Variants in KY observed in about 807,000 individuals in gnomAD.
The protein encoded by KY is kyphoscoliosis peptidase.
Under a neutral mutation model 76.1 loss-of-function variants are expected in KY, and 43 were observed. The observed-to-expected ratio is 0.57, with a 90% CI of 0.44 to 0.73. KY has a LOEUF of 0.73. KY is among the 30% of genes least tolerant of loss of function. The probability of loss-of-function intolerance (pLI) is 0.00; values close to 1 mark genes in which losing one functional copy is unlikely to be tolerated. For missense variants in KY, 722 were observed against 828.9 expected (o/e 0.87, Z 1.58); for synonymous variants, 277 against 326.2 (o/e 0.85, Z 1.63).
At chr3:134,647,995 C>T (rs991056674) in intron 1 of KY, among the ~76,000 whole-genome samples, 4 of 152,168 alleles carry the variant, frequency 2.6e-5, no homozygotes, top group African/African-American at 9.7e-5. Context: ...ATGGCCTAGC[C>T]ATGGCCAATC....
At position 134,619,227 on chromosome 3, in the gene KY, C is replaced by G; in HGVS notation, c.631G>C (p.Ala211Pro). The part of the protein sequence containing the change: ...IAAAQEKDRQ[A>P]FKPTDILRTQ... ...CGCAGGATGTCAGTGGGTTTGAAGG[C>G]TTGGCGGTCCTTCTCCTGAGCAGCT... Residue 211 changes from alanine (A) to proline (P), a missense_variant, in exon 8 of 11, where the codon GCC becomes CCC. By Grantham distance (27) the Ala-to-Pro change is conservative. Coordinates refer to ENST00000423778, the MANE Select transcript of KY (RefSeq NM_178554.6). 6.2e-7 allele frequency: 1 copy of G among 1,613,968 alleles called. No individual in the cohort carries two copies. The highest frequency in any genetic ancestry group is 8.5e-7 in the Non-Finnish European group (1 of 1,179,890).
chr3:134,639,145 C>T (rs895684542), intron 3 of KY, among the ~76,000 whole-genome samples: 1 of 146,992 alleles, frequency 6.8e-6, no homozygotes, highest in African/African-American at 2.5e-5. Context: ...AAAAAAATAC[C>T]CTTAAAGAGT....
intron 6 of KY, among the ~76,000 whole-genome samples, chr3:134,624,026 G>A (rs1439417222): frequency 2.0e-5 from 3 of 152,154 alleles, no homozygotes; most frequent in African/African-American, 7.2e-5. Context: ...TGCCCAGGGG[G>A]CATTTCCCCT....
chr3:134,629,286 T>A (rs1252472342), intron 4 of KY: 1 of 278,684 alleles, frequency 3.6e-6, no homozygotes, highest in African/African-American at 2.1e-5. Flanking sequence ...AGTTAATAAA[T>A]GTTAAAGTAC....
chr3:134,608,686 C>T lies in KY; in HGVS notation c.1053G>A (p.Met351Ile). 1 of 1,614,060 alleles carries T rather than the reference C, an allele frequency of 6.2e-7. No homozygotes were observed. The highest frequency in any genetic ancestry group is 1.1e-5 in the South Asian group (1 of 91,090). The change falls in exon 10 of 11, where the codon ATG becomes ATA. Residue 351 changes from methionine to isoleucine, a missense_variant. Around this residue, in one of 2 missense-constraint regions of KY, gnomAD observed 552 missense variants for 680.9 expected, o/e 0.81. Coordinates refer to ENST00000423778, the MANE Select transcript of KY (RefSeq NM_178554.6). The part of the protein sequence containing the change: ...YHKSEFYNKG[M>I]LSAHPETSMI... ...TGGAAGTCTCTGGGTGGGCACTCAG[C>T]ATCCCTTTGTTGTAGAATTCACTCT... is the stretch of plus-strand genomic sequence containing the variant.
At chr3:134,644,584 C>A (rs573500113) in intron 2 of KY, among the ~76,000 whole-genome samples, 268 of 152,362 alleles carry the variant, frequency 1.8e-3, no homozygotes, top group African/African-American at 6.1e-3. Flanking sequence ...TGCTGGCTTG[C>A]AGTGGGCTTG....
chr3:134,648,622 G>A (rs1966721064), intron 1 of KY, among the ~76,000 whole-genome samples: 1 of 152,164 alleles, frequency 6.6e-6, no homozygotes, highest in Admixed American at 6.5e-5. Context: ...TTACAGAAAT[G>A]GGAGAGAACA....
intron 8 of KY, among the ~76,000 whole-genome samples, chr3:134,613,455 C>T (rs573908028): frequency 2.0e-5 from 3 of 152,302 alleles, no homozygotes; most frequent in East Asian, 3.9e-4. Context: ...TCCACCTGTA[C>T]TGCTCTGAGT....
intron 8 of KY, among the ~76,000 whole-genome samples, chr3:134,614,423 A>C (rs572501284): frequency 6.6e-6 from 1 of 152,106 alleles, no homozygotes. Context: ...TGCCCTGAAC[A>C]AGCTGCCAAG....
rs1039361907 is a variant in KY at position 134,601,151 on chromosome 3, A to G, written c.*2428T>C. On this transcript the variant is annotated 3_prime_UTR_variant, in exon 11 of 11. Coordinates refer to ENST00000423778, the MANE Select transcript of KY (RefSeq NM_178554.6). ...AGCAGCATGCGTGTAAAAATTCATGAAGATTAGATTTCATTTCATGTATTT... is the reference window on the plus strand; with the variant it reads ...AGCAGCATGCGTGTAAAAATTCATGGAGATTAGATTTCATTTCATGTATTT... 5 of 152,168 alleles carry G rather than the reference A, an allele frequency of 3.3e-5. No individual in the cohort carries two copies. The highest frequency in any genetic ancestry group is 1.2e-4 in the African/African-American group (5 of 41,444). 9.4% of individuals were successfully genotyped at this position (152,168 alleles called of 1,614,324 possible).
intron 8 of KY, 149 bp from the exon 9 acceptor site, chr3:134,610,532 C>G (rs1026007235): frequency 6.0e-6 from 4 of 667,974 alleles, no homozygotes; most frequent in Middle Eastern, 3.9e-4. Flanking sequence ...ATATAAACAG[C>G]CTTGATGGCT....
chr3:134,603,682 C>T lies in KY; in HGVS notation c.1883G>A (p.Ser628Asn). The T allele has an allele frequency of 6.2e-7, 1 of 1,613,890 alleles. No individual in the cohort carries two copies. Among genetic ancestry groups the T allele is most frequent in the African/African-American group, 1.3e-5 (1 of 75,066 alleles). The change falls in exon 11 of 11, where the codon AGC (serine) becomes AAC (asparagine). Residue 628 changes from serine (S) to asparagine (N), a missense_variant. Physicochemically the swap from Ser to Asn is conservative, Grantham distance 46. Around this residue, in one of 2 missense-constraint regions of KY, gnomAD observed 552 missense variants for 680.9 expected, o/e 0.81. Coordinates refer to ENST00000423778, the MANE Select transcript of KY (RefSeq NM_178554.6). ...TLNHEGYWEG[S>N]CSTAGCQEVY... Reference sequence around the variant, plus strand: ...TTCCTGGCAGCCAGCTGTGCTGCAGCTTCCCTCCCAGTAGCCCTCGTGGTT... The same window carrying T: ...TTCCTGGCAGCCAGCTGTGCTGCAGTTTCCCTCCCAGTAGCCCTCGTGGTT...
intron 9 of KY, 104 bp from the exon 10 acceptor site, chr3:134,608,943 C>T (rs1959769206): frequency 1.5e-6 from 2 of 1,327,436 alleles, no homozygotes; most frequent in South Asian, 1.5e-5. Context: ...TGGGAAGAGG[C>T]ACCATCTCCG....
intron 10 of KY, among the ~76,000 whole-genome samples, chr3:134,605,601 C>T (rs1405959288): frequency 1.3e-5 from 2 of 152,134 alleles, no homozygotes; most frequent in Non-Finnish European, 2.9e-5. Context: ...GTGGCTGTCC[C>T]AGCTCAAAAG....
At chr3:134,623,217 G>T (rs1246622385) in intron 6 of KY, among the ~76,000 whole-genome samples, 1 of 152,160 alleles carries the variant, frequency 6.6e-6, no homozygotes, top group Non-Finnish European at 1.5e-5. Context: ...CTGTGGCTGG[G>T]TCTCTGGCCT....
At chr3:134,646,392 C>T (rs1185369332) in intron 2 of KY, among the ~76,000 whole-genome samples, 1 of 152,126 alleles carries the variant, frequency 6.6e-6, no homozygotes, top group Non-Finnish European at 1.5e-5. Context: ...GAAGACTCTT[C>T]AACTCCAGGG....
intron 3 of KY, 80 bp downstream of exon 3, chr3:134,643,236 T>G (rs1965984257): frequency 8.6e-6 from 12 of 1,397,846 alleles, no homozygotes; most frequent in Non-Finnish European, 1.1e-5. Flanking sequence ...GAGCTCCACA[T>G]CCTGGGCTGT....
intron 6 of KY, among the ~76,000 whole-genome samples, chr3:134,622,296 A>G (rs990334808): frequency 2.0e-5 from 3 of 152,256 alleles, no homozygotes; most frequent in South Asian, 2.1e-4. Context: ...ACAATAGCCA[A>G]AAGGTTAAAA....
At chr3:134,611,335 T>C (rs1960411007) in intron 8 of KY, among the ~76,000 whole-genome samples, 1 of 152,196 alleles carries the variant, frequency 6.6e-6, no homozygotes, top group African/African-American at 2.4e-5. Context: ...GGCCCAGGCC[T>C]GGGCTGTGGG....
Sources: gnomAD v4.1 joint callset for allele counts (sites outside exome capture counted in the v4.1 genomes callset) on GRCh38, gnomAD v4.1.1 for gene constraint, gnomAD v4.1.1 regional missense constraint, MANE v1.5 for transcripts, NCBI Gene and HGNC (gene_info 2026-07-23, HGNC 2026-07-21) for gene names.